Variants in UNC5C observed in about 807,000 individuals in gnomAD.
UNC5C encodes netrin receptor UNC5C.
UNC5C carries 47 observed loss-of-function variants against 99.8 expected under a neutral mutation model. That is an observed-to-expected ratio of 0.47 (90% confidence interval 0.37 to 0.60). The LOEUF is 0.60. Among genes scored for constraint, UNC5C ranks in the 20% least tolerant of loss-of-function variants. The pLI is 0.00. For missense variants in UNC5C, 1,062 were observed against 1,165.9 expected (o/e 0.91, Z 1.30); for synonymous variants, 487 against 452.2 (o/e 1.08, Z -0.98).
chr4:95,363,163 AT>A (rs1194404337), intron 1 of UNC5C, among the ~76,000 whole-genome samples: 1 of 152,092 alleles, frequency 6.6e-6, no homozygotes, highest in Non-Finnish European at 1.5e-5. Context: ...TGAGCTGATT[AT>A]TGCTCACTAT....
intron 1 of UNC5C, among the ~76,000 whole-genome samples, chr4:95,347,288 A>G (rs1743810898): frequency 6.6e-6 from 1 of 152,120 alleles, no homozygotes; most frequent in Non-Finnish European, 1.5e-5. Flanking sequence ...AAGATATTCC[A>G]TGTTCGTGGG....
At position 95,365,289 on chromosome 4, in the gene UNC5C, C is replaced by G. The variant is rs201619311; in HGVS notation, c.125-29658G>C. 1.4e-3 allele frequency among the ~76,000 whole-genome samples: 140 copies of G among 99,550 alleles called. 1 individual carries two copies. The East Asian group carries it at 0.027, about 19-fold the overall frequency. The allele number at this position is 99,550 out of a possible 152,430, so 65.3% of individuals were successfully genotyped here. A position where few individuals can be genotyped will look rare whatever the true frequency, so the allele number is the denominator to read the frequency against. Reference sequence around the variant, plus strand: ...CCAGCCTGGGCAACAGAACAAGAATCTGTCTCAAAAAAAAAAAAAAAAGAA... The same window carrying G: ...CCAGCCTGGGCAACAGAACAAGAATGTGTCTCAAAAAAAAAAAAAAAAGAA... On this transcript the variant is annotated intron_variant, in intron 1 of 15. Transcript: ENST00000453304.
chr4:95,505,715 GA>G (rs1721899456), intron 1 of UNC5C, among the ~76,000 whole-genome samples: 1 of 152,014 alleles, frequency 6.6e-6, no homozygotes, highest in African/African-American at 2.4e-5. Flanking sequence ...ACTACTGGGG[GA>G]AAATATGTGT....
chr4:95,299,942 T>C (rs1467903479), intron 3 of UNC5C, among the ~76,000 whole-genome samples: 1 of 152,128 alleles, frequency 6.6e-6, no homozygotes, highest in African/African-American at 2.4e-5. Flanking sequence ...GAGAACAGAC[T>C]TGAGCCATGG....
chr4:95,416,045 A>G (rs1358552403), intron 1 of UNC5C, among the ~76,000 whole-genome samples: 3 of 152,184 alleles, frequency 2.0e-5, no homozygotes, highest in Non-Finnish European at 4.4e-5. Flanking sequence ...AATTGAAAAA[A>G]TAAGCAAGGG....
intron 1 of UNC5C, among the ~76,000 whole-genome samples, chr4:95,374,059 G>A (rs1024496145): frequency 3.3e-5 from 5 of 152,040 alleles, no homozygotes; most frequent in Admixed American, 6.6e-5. Context: ...CGGGGAGCAC[G>A]TACTCTGATG....
intron 1 of UNC5C, among the ~76,000 whole-genome samples, chr4:95,434,820 A>C (rs924531416): frequency 1.3e-5 from 2 of 152,028 alleles, no homozygotes; most frequent in African/African-American, 4.8e-5. Context: ...TACTCTGTAC[A>C]CTGGAGTCTA....
At chr4:95,429,280 TAAAA>T (rs112203195) in intron 1 of UNC5C, among the ~76,000 whole-genome samples, 1 of 94,948 alleles carries the variant, frequency 1.1e-5, no homozygotes, top group South Asian at 4.3e-4. Flanking sequence ...TAGTGATTCT[TAAAA>T]AAAAAAAAAA....
intron 4 of UNC5C, 40 bp downstream of exon 4, chr4:95,278,219 T>C (rs1740929640): frequency 1.3e-6 from 2 of 1,512,818 alleles, no homozygotes; most frequent in Admixed American, 1.7e-5. Context: ...TAGAATAACT[T>C]AGTGCCAATT....
intron 3 of UNC5C, among the ~76,000 whole-genome samples, chr4:95,290,040 A>G (rs1052562072): frequency 1.3e-5 from 2 of 152,192 alleles, no homozygotes; most frequent in Non-Finnish European, 2.9e-5. Context: ...GCAGTGGCTC[A>G]TACCTATAAT....
At chr4:95,388,594 G>C (rs1745274222) in intron 1 of UNC5C, among the ~76,000 whole-genome samples, 2 of 152,152 alleles carry the variant, frequency 1.3e-5, no homozygotes, top group Non-Finnish European at 1.5e-5. Context: ...AACTCCTGGT[G>C]ATGAGTTTCA....
At chr4:95,213,313 A>G (rs758398701) in intron 10 of UNC5C, among the ~76,000 whole-genome samples, 23 of 152,230 alleles carry the variant, frequency 1.5e-4, no homozygotes, top group Non-Finnish European at 2.6e-4. Flanking sequence ...GCAAACTGCT[A>G]CTAGAAACAA....
At position 95,404,223 on chromosome 4, in the gene UNC5C, C is replaced by T. The variant is rs191300138; in HGVS notation, c.125-68592G>A. Among the ~76,000 whole-genome samples the T allele has an allele frequency of 1.2e-4, 18 of 152,084 alleles. No individual in the cohort carries two copies. The East Asian group carries it at 3.3e-3, about 28-fold the overall frequency. On this transcript the variant is annotated intron_variant, in intron 1 of 15. Transcript: ENST00000453304. The stretch of plus-strand genomic sequence containing the variant: ...CCACATTTCAGTTAGATCTAACCAT[C>T]AAAGGGAAATAGAATATTTTTGGAC...
At chr4:95,493,586 A>C (rs1721560411) in intron 1 of UNC5C, among the ~76,000 whole-genome samples, 1 of 151,344 alleles carries the variant, frequency 6.6e-6, no homozygotes, top group African/African-American at 2.4e-5. Context: ...ACTACAAAAC[A>C]CACACTAAGT....
chr4:95,496,973 T>A (rs141335372), intron 1 of UNC5C, among the ~76,000 whole-genome samples: 1 of 152,080 alleles, frequency 6.6e-6, no homozygotes, highest in East Asian at 1.9e-4. Flanking sequence ...AATAACAACC[T>A]CCAGCTCCAT....
rs1226355544 is a variant in UNC5C, at chr4:95,456,365, G to A, written c.124+92369C>T. On this transcript the variant is annotated intron_variant, in intron 1 of 15. Transcript: ENST00000453304. ...CAGTTGTGGGAATGGGGAATTCATTGAGTTAAAGGAACTTAATCATAGTGG... is the reference window on the plus strand; with the variant it reads ...CAGTTGTGGGAATGGGGAATTCATTAAGTTAAAGGAACTTAATCATAGTGG... Among the ~76,000 whole-genome samples the A allele has an allele frequency of 3.3e-5, 5 of 152,122 alleles. No individual in the cohort carries two copies. In the East Asian group the frequency reaches 5.8e-4, roughly 18 times the overall value.
intron 7 of UNC5C, among the ~76,000 whole-genome samples, chr4:95,226,699 G>T (rs192739772): frequency 1.3e-4 from 20 of 152,320 alleles, no homozygotes; most frequent in Admixed American, 1.2e-3. Context: ...TCTGGCAAAA[G>T]ATATGGTGGT....
chr4:95,468,343 C>T (rs1322923409), intron 1 of UNC5C, among the ~76,000 whole-genome samples: 1 of 152,030 alleles, frequency 6.6e-6, no homozygotes, highest in Non-Finnish European at 1.5e-5. Context: ...TTATCTGGCA[C>T]TGGTTTGGAA....
chr4:95,317,518 G>C (rs1449147370), intron 2 of UNC5C, among the ~76,000 whole-genome samples: 1 of 152,160 alleles, frequency 6.6e-6, no homozygotes, highest in Non-Finnish European at 1.5e-5. Context: ...TTTTGGTTTG[G>C]CTTTGGCAAC....
Sources: gnomAD v4.1 joint callset for allele counts (sites outside exome capture counted in the v4.1 genomes callset) on GRCh38, gnomAD v4.1.1 for gene constraint, MANE v1.5 for transcripts, NCBI Gene and HGNC (gene_info 2026-07-23, HGNC 2026-07-21) for gene names.